The following ERCC6 variants were observed in gnomAD, a reference collection of about 807,000 sequenced individuals.
ERCC6 encodes the protein ERCC excision repair 6, chromatin remodeling factor.
ERCC6 carries 116 observed loss-of-function variants against 158.7 expected under a neutral mutation model. The observed-to-expected ratio is 0.73, with a 90% CI of 0.63 to 0.85. The LOEUF (loss-of-function observed/expected upper bound fraction) is 0.85, where lower values mean the gene tolerates loss of function less well. ERCC6 is among the 40% of genes least tolerant of loss of function. ERCC6 has a pLI of 0.00. For synonymous variants in ERCC6, 678 were observed against 659.3 expected (o/e 1.03, Z -0.43); for missense variants, 1,698 against 1,799.4 (o/e 0.94, Z 1.02).
chr10:49,524,344 C>T lies in ERCC6; in HGVS notation c.1086G>A (p.Glu362=), dbSNP rs767609722. The change falls in exon 5 of 21, where the codon GAG becomes GAA. Residue 362 remains glutamate, a synonymous_variant. Coordinates refer to ENST00000355832, the MANE Select transcript of ERCC6 (RefSeq NM_000124.4). The part of the protein sequence containing the change: ...RRPWESDMRP[E]AEGDSEGEES... ...CTTCACCCTCAGAGTCTCCCTCTGCCTCTGGCCTCATGTCTGACTCCCAAG... is the reference window on the plus strand; with the variant it reads ...CTTCACCCTCAGAGTCTCCCTCTGCTTCTGGCCTCATGTCTGACTCCCAAG... 6.2e-7 allele frequency: 1 copy of T among 1,614,186 alleles called. No homozygotes were observed. The highest frequency in any genetic ancestry group is 1.1e-5 in the South Asian group (1 of 91,084).
At chr10:49,535,788 T>C (rs887418557) in intron 1 of ERCC6, among the ~76,000 whole-genome samples, 1 of 149,780 alleles carries the variant, frequency 6.7e-6, no homozygotes, top group African/African-American at 2.5e-5. Context: ...GAGAAAAGGC[T>C]GAGTGAATTT....
At chr10:49,442,820 T>C in the ERCC6 span, among the ~76,000 whole-genome samples, 8 of 152,244 alleles carry the variant, frequency 5.3e-5, 1 homozygote, top group Admixed American at 5.2e-4. Flanking sequence ...TTTATTCCTA[T>C]TTTTAGTGAA....
chr10:49,512,209 A>G (rs1836833291), intron 5 of ERCC6, among the ~76,000 whole-genome samples: 1 of 152,224 alleles, frequency 6.6e-6, no homozygotes. Context: ...AGTCAAGATC[A>G]GCAGGACATT....
intron 5 of ERCC6, chr10:49,515,815 C>A (rs1381313398): frequency 6.2e-7 from 1 of 1,614,150 alleles, no homozygotes; most frequent in South Asian, 1.1e-5. Context: ...TAACGACTGA[C>A]AAGACACAGG....
chr10:49,481,152 G>C (rs1203939123), intron 10 of ERCC6, among the ~76,000 whole-genome samples: 1 of 152,204 alleles, frequency 6.6e-6, no homozygotes, highest in East Asian at 1.9e-4. Flanking sequence ...CCTCAGCTGT[G>C]AATCTACATG....
At chr10:49,450,973 G>A (rs891179196), downstream of ERCC6, among the ~76,000 whole-genome samples, 2 of 151,934 alleles carry the variant, frequency 1.3e-5, no homozygotes, top group African/African-American at 4.8e-5. Context: ...CACCACGCCT[G>A]GCTAATTTTT....
the ERCC6 span, among the ~76,000 whole-genome samples, chr10:49,436,160 A>G: frequency 6.6e-6 from 1 of 152,200 alleles, no homozygotes. Flanking sequence ...GAAACAAATG[A>G]AATTGAACCT....
rs759208753 is a variant in ERCC6, at chr10:49,470,351, C to T, written c.3609G>A (p.Lys1203=). The T allele has an allele frequency of 6.2e-7, 1 of 1,614,192 alleles. No individual in the cohort carries two copies. The highest frequency in any genetic ancestry group is 8.5e-7 in the Non-Finnish European group (1 of 1,180,030). Residue 1203 remains lysine, a synonymous_variant, in exon 18 of 21, where the codon AAG becomes AAA. Coordinates refer to ENST00000355832, the MANE Select transcript of ERCC6 (RefSeq NM_000124.4). ...AATGCTTAGAGTTCTTAGGCTTTTGCTTTGGTCTCAGATGTTTCTCCAGGG... is the reference window on the plus strand; with the variant it reads ...AATGCTTAGAGTTCTTAGGCTTTTGTTTTGGTCTCAGATGTTTCTCCAGGG... ...EETLEKHLRP[K]QKPKNSKHCR...
chr10:49,451,804 A>C (rs1564721975), downstream of ERCC6, among the ~76,000 whole-genome samples: 1 of 152,182 alleles, frequency 6.6e-6, no homozygotes, highest in Non-Finnish European at 1.5e-5. Context: ...GAGTTTGAGA[A>C]TAATTGCTAT....
the ERCC6 span, among the ~76,000 whole-genome samples, chr10:49,448,732 G>A: frequency 6.6e-6 from 1 of 152,198 alleles, no homozygotes; most frequent in Non-Finnish European, 1.5e-5. Context: ...ATCATAGCAT[G>A]TGGTCTTTCA....
intron 3 of ERCC6, among the ~76,000 whole-genome samples, chr10:49,529,795 TC>T (rs978270891): frequency 6.6e-6 from 1 of 152,056 alleles, no homozygotes; most frequent in African/African-American, 2.4e-5. Context: ...AGCTAGTCAT[TC>T]CTATCTATTG....
At position 49,473,428 on chromosome 10, in the gene ERCC6, TC is replaced by T. The variant is rs750653279; in HGVS notation, c.2709+48del. 31 of 1,211,908 alleles carry T rather than the reference TC, an allele frequency of 2.6e-5. No homozygotes were observed. In the African/African-American group the frequency reaches 4.0e-4, roughly 16 times the overall value. 75.1% of individuals were successfully genotyped at this position (1,211,908 alleles called of 1,614,324 possible). A position where few individuals can be genotyped will look rare whatever the true frequency, so the allele number is the denominator to read the frequency against. On this transcript the variant is annotated intron_variant, in intron 14 of 20. Coordinates refer to ENST00000355832, the MANE Select transcript of ERCC6 (RefSeq NM_000124.4). ...GTGTGGATACGCTTAGTCCTTTCCC[TC>T]CACGTACAGCAGCACCACTCAACTT...
chr10:49,538,560 CCA>C (rs775726140), intron 1 of ERCC6, among the ~76,000 whole-genome samples: 1 of 152,170 alleles, frequency 6.6e-6, no homozygotes, highest in Non-Finnish European at 1.5e-5. Flanking sequence ...CCTCATCCGC[CCA>C]CACTCTTATC....
At chr10:49,521,781 T>C (rs945460590) in intron 5 of ERCC6, among the ~76,000 whole-genome samples, 1 of 152,160 alleles carries the variant, frequency 6.6e-6, no homozygotes, top group African/African-American at 2.4e-5. Context: ...AGCTGAGGGC[T>C]TGAGCCAAAT....
intron 5 of ERCC6, among the ~76,000 whole-genome samples, chr10:49,522,322 C>T (rs886440522): frequency 1.3e-5 from 2 of 152,106 alleles, no homozygotes; most frequent in African/African-American, 4.8e-5. Context: ...TTTCTTTCAT[C>T]CCCCAAACCA....
intron 18 of ERCC6, among the ~76,000 whole-genome samples, chr10:49,468,523 T>G (rs1425767192): frequency 6.6e-6 from 1 of 152,210 alleles, no homozygotes. Flanking sequence ...CATGGAAGGG[T>G]AAATGTTAAT....
At chr10:49,500,755 C>T in intron 6 of ERCC6, 59 bp from the exon 7 acceptor site, 2 of 1,577,550 alleles carry the variant, frequency 1.3e-6, no homozygotes, top group Non-Finnish European at 1.7e-6. Flanking sequence ...TAATACAGAT[C>T]ATAACAGAAA....
intron 5 of ERCC6, among the ~76,000 whole-genome samples, chr10:49,519,869 G>C (rs1368763710): frequency 2.0e-5 from 3 of 152,146 alleles, no homozygotes; most frequent in Non-Finnish European, 4.4e-5. Flanking sequence ...CAAAGCACAA[G>C]TGCAGTGCCC....
Position 49,530,838 on chromosome 10 carries a change from G to T in ERCC6, c.425C>A (p.Ser142Ter). ...EYRSVLDDLT[S>*]CTTSLRQINK... is the part of the protein sequence containing the mutation. Reference sequence around the variant, plus strand: ...GATTTGCCTTAGGGATGTCGTACATGACCTGAAAAATAAGATAAATTGTCT... The same window carrying T: ...GATTTGCCTTAGGGATGTCGTACATTACCTGAAAAATAAGATAAATTGTCT... The change falls in exon 3 of 21, where the codon TCA becomes TAA. Residue 142 changes from serine to a stop codon, truncating the protein, a stop_gained and splice_region_variant. Transcript: ENST00000355832. LOFTEE classifies it high-confidence loss of function. The T allele has an allele frequency of 6.2e-7, 1 of 1,613,044 alleles. No homozygotes were observed. Among genetic ancestry groups the T allele is most frequent in the South Asian group, 1.1e-5 (1 of 90,942 alleles).
Sources: gnomAD v4.1 joint callset for allele counts (sites outside exome capture counted in the v4.1 genomes callset) on GRCh38, gnomAD v4.1.1 for gene constraint, MANE v1.5 for transcripts, NCBI Gene and HGNC (gene_info 2026-07-23, HGNC 2026-07-21) for gene names.